Variants in KIF26A observed in about 807,000 individuals in gnomAD.
The protein encoded by KIF26A is kinesin-like protein KIF26A.
Under a neutral mutation model 126.0 loss-of-function variants are expected in KIF26A, and 74 were observed. The ratio of observed to expected loss-of-function variants is 0.59; its 90% CI spans 0.49 to 0.71. The LOEUF is 0.71. Ranked by LOEUF, KIF26A falls within the 30% of genes least tolerant of loss-of-function variation. The probability of loss-of-function intolerance (pLI) is 0.00; values close to 1 mark genes in which losing one functional copy is unlikely to be tolerated. For missense variants in KIF26A, 2,984 were observed against 2,763.3 expected, an observed-to-expected ratio of 1.08 and a Z score of -1.79; for synonymous variants, 1,445 against 1,232.7, an observed-to-expected ratio of 1.17 and a Z score of -3.61.
intron 2 of KIF26A, among the ~76,000 whole-genome samples, chr14:104,146,630 C>T (rs1223245491): frequency 1.3e-5 from 2 of 152,126 alleles, no homozygotes; most frequent in South Asian, 4.1e-4. Flanking sequence ...CTGGCTTCTC[C>T]TTCTCCACTG....
In KIF26A at chr14:104,171,770, G is replaced by T. The variant is rs978827823; in HGVS notation, c.1161G>T (p.Ser387=). The change falls in exon 6 of 15, where the codon TCG becomes TCT. Residue 387 remains serine, a synonymous_variant. Transcript: ENST00000423312. ...GGCCCGCACAGGGGGCCCAGCGCTC[G>T]GCCGAGGCCATGTCCTTCCTGAAGG... ...RIWPAQGAQR[S]AEAMSFLKVD... is the part of the protein sequence containing the mutation. 6.3e-7 allele frequency: 1 copy of T among 1,580,718 alleles called. No homozygotes were observed. Among genetic ancestry groups the T allele is most frequent in the Non-Finnish European group, 8.6e-7 (1 of 1,164,486 alleles).
chr14:104,165,503 CTGTG>C lies in KIF26A; in HGVS notation c.924-1352_924-1349del, dbSNP rs1416655033. On this transcript the variant is annotated intron_variant, in intron 4 of 14. Transcript: ENST00000423312. ...TGTATGTTTCCATGTGCATGTGTGT[CTGTG>C]TGTCTCTGTATGCATGTGTGTATCT... Among the ~76,000 whole-genome samples, 3 of 81,172 alleles carry C rather than the reference CTGTG, an allele frequency of 3.7e-5. No homozygotes were observed. The South Asian group carries it at 1.0e-3, about 28-fold the overall frequency. 53.3% of individuals were successfully genotyped at this position (81,172 alleles called of 152,430 possible).
At chr14:104,168,010 C>G (rs559956896) in intron 5 of KIF26A, among the ~76,000 whole-genome samples, 1 of 151,644 alleles carries the variant, frequency 6.6e-6, no homozygotes, top group Admixed American at 6.6e-5. Flanking sequence ...GCAGAAGGCC[C>G]CTGTCCCTGG....
chr14:104,141,820 C>T (rs2141087465), intron 2 of KIF26A, among the ~76,000 whole-genome samples: 1 of 152,348 alleles, frequency 6.6e-6, no homozygotes, highest in African/African-American at 2.4e-5. Flanking sequence ...CTTGCCCACC[C>T]TCCTGCCAGG....
Position 104,175,201 on chromosome 14 carries a change from C to T in KIF26A, c.2413C>T (p.Leu805Phe). The change falls in exon 12 of 15, where the codon CTC (leucine) becomes TTC (phenylalanine). Residue 805 changes from leucine (L) to phenylalanine (F), a missense_variant. Transcript: ENST00000423312. Reference sequence around the variant, plus strand: ...TGGGGCGGCGCTGTCAGACCGGGAGCTCACCGACAACGAAGGTCCGCCTGA... The same window carrying T: ...TGGGGCGGCGCTGTCAGACCGGGAGTTCACCGACAACGAAGGTCCGCCTGA... ...PGGAALSDRE[L>F]TDNEGPPDFV... is the part of the protein sequence containing the mutation. 6.2e-7 allele frequency: 1 copy of T among 1,609,686 alleles called. No homozygotes were observed. Among genetic ancestry groups the T allele is most frequent in the Non-Finnish European group, 8.5e-7 (1 of 1,179,088 alleles).
intron 2 of KIF26A, 51 bp downstream of exon 2, chr14:104,139,339 T>C: frequency 7.2e-7 from 1 of 1,385,584 alleles, no homozygotes; most frequent in Non-Finnish European, 9.4e-7. Context: ...CACGCCGAAC[T>C]TGGGTAGAAC....
At chr14:104,179,476 C>T (rs2038076528) in intron 14 of KIF26A, 90 bp downstream of exon 14, 4 of 1,428,930 alleles carry the variant, frequency 2.8e-6, no homozygotes, top group Non-Finnish European at 3.7e-6. Flanking sequence ...CTCTCCTGTA[C>T]CTCGTGGTGG....
At position 104,175,005 on chromosome 14, in the gene KIF26A, G is replaced by A. The variant is rs1267295138; in HGVS notation, c.2217G>A (p.Gly739=). Residue 739 remains glycine, a synonymous_variant, in exon 12 of 15, where the codon GGG becomes GGA. Coordinates refer to ENST00000423312, the MANE Select transcript of KIF26A (RefSeq NM_015656.2). ...KAKYASSSSG[G]ESSCEEGRAR... is the part of the protein sequence containing the mutation. ...AGTACGCCTCCAGCTCCTCTGGCGG[G>A]GAGAGCTCCTGTGAGGAAGGCCGGG... 3.2e-6 allele frequency: 5 copies of A among 1,551,588 alleles called. No homozygotes were observed. The highest frequency in any genetic ancestry group is 3.5e-6 in the Non-Finnish European group (4 of 1,152,282).
In KIF26A at chr14:104,179,914, T is replaced by G; in HGVS notation, c.*124T>G. 1.0e-6 allele frequency: 1 copy of G among 1,000,214 alleles called. No homozygotes were observed. The highest frequency in any genetic ancestry group is 1.4e-6 in the Non-Finnish European group (1 of 717,354). The allele number at this position is 1,000,214 out of a possible 1,614,324, so 62.0% of individuals were successfully genotyped here. Reference sequence around the variant, plus strand: ...GAGGGGTTTCTGTGCAGGACGGGAGTCTCAGAGAGGAGACGGAGTGTGGGG... The same window carrying G: ...GAGGGGTTTCTGTGCAGGACGGGAGGCTCAGAGAGGAGACGGAGTGTGGGG... On this transcript the variant is annotated 3_prime_UTR_variant, in exon 15 of 15. Coordinates refer to ENST00000423312, the MANE Select transcript of KIF26A (RefSeq NM_015656.2).
intron 6 of KIF26A, among the ~76,000 whole-genome samples, 168 bp downstream of exon 6, chr14:104,172,103 C>G (rs1402971538): frequency 6.6e-6 from 1 of 152,232 alleles, no homozygotes; most frequent in Non-Finnish European, 1.5e-5. Flanking sequence ...TCGTCCTGGC[C>G]AGCGTCCTTG....
In KIF26A at chr14:104,178,551, T is replaced by A; in HGVS notation, c.5112T>A (p.Gly1704=). Residue 1704 remains glycine (G), a splice_region_variant and synonymous_variant, in exon 13 of 15, where the codon GGT becomes GGA. Transcript: ENST00000423312. Reference sequence around the variant, plus strand: ...CCTGTGCCCGGCTCTCCGTTCCAGGTCTGCAGCGGCGGCGCCTGATTCCCG... The same window carrying A: ...CCTGTGCCCGGCTCTCCGTTCCAGGACTGCAGCGGCGGCGCCTGATTCCCG... ...SLKSPKKRAT[G]LQRRRLIPAP... 6.8e-7 allele frequency: 1 copy of A among 1,461,780 alleles called. No homozygotes were observed. The highest frequency in any genetic ancestry group is 9.1e-7 in the Non-Finnish European group (1 of 1,104,600). The allele number at this position is 1,461,780 out of a possible 1,614,324, so 90.6% of individuals were successfully genotyped here.
At chr14:104,177,945 G>T in intron 12 of KIF26A, 47 bp downstream of exon 12, 1 of 1,444,274 alleles carries the variant, frequency 6.9e-7, no homozygotes, top group Non-Finnish European at 9.1e-7. Context: ...GGCTTTCTGT[G>T]TGTAGATGTG....
intron 4 of KIF26A, among the ~76,000 whole-genome samples, chr14:104,165,199 GTGTC>G (rs2037875423): frequency 7.5e-6 from 1 of 133,158 alleles, no homozygotes; most frequent in Admixed American, 7.1e-5. Context: ...ATGCATGTGT[GTGTC>G]TGTGTCTCTG....
At chr14:104,178,119 C>T (rs1248877187) in intron 12 of KIF26A, among the ~76,000 whole-genome samples, 1 of 152,256 alleles carries the variant, frequency 6.6e-6, no homozygotes, top group African/African-American at 2.4e-5. Context: ...TGTACTTGCC[C>T]TTCTCTGGCC....
Position 104,175,163 on chromosome 14 carries a change from A to T in KIF26A, c.2375A>T (p.Tyr792Phe). 2 of 1,607,618 alleles carry T rather than the reference A, an allele frequency of 1.2e-6. No homozygotes were observed. The highest frequency in any genetic ancestry group is 1.7e-6 in the Non-Finnish European group (2 of 1,177,948). ...GAGCAGTCCTGTGACACGGTCATCT[A>T]CGTGGGGCCCGGTGGGGCGGCGCTG... is the stretch of plus-strand genomic sequence containing the variant. ...SSEQSCDTVIYVGPGGAALSD... is the reference protein window; with the variant it reads ...SSEQSCDTVIFVGPGGAALSD... Residue 792 changes from tyrosine (Y) to phenylalanine (F), a missense_variant, in exon 12 of 15, where the codon TAC becomes TTC. Coordinates refer to ENST00000423312, the MANE Select transcript of KIF26A (RefSeq NM_015656.2).
intron 5 of KIF26A, among the ~76,000 whole-genome samples, chr14:104,167,457 C>T (rs967716449): frequency 1.3e-5 from 2 of 152,062 alleles, no homozygotes; most frequent in Admixed American, 1.3e-4. Flanking sequence ...TGCAGGCGGG[C>T]CCCTGCCATG....
intron 2 of KIF26A, among the ~76,000 whole-genome samples, chr14:104,141,913 G>C (rs2037641209): frequency 6.6e-6 from 1 of 152,212 alleles, no homozygotes; most frequent in Non-Finnish European, 1.5e-5. Flanking sequence ...TGTGCCCATT[G>C]CATAGGTACG....
At position 104,177,071 on chromosome 14, in the gene KIF26A, C is replaced by G; in HGVS notation, c.4283C>G (p.Ala1428Gly). Reference protein sequence around the residue: ...SLKARASKVEAAHRLAGHASL... With the variant: ...SLKARASKVEGAHRLAGHASL... ...AAGGCCCGGGCCAGCAAGGTAGAAG[C>G]AGCACACCGTCTTGCCGGACACGCG... The change falls in exon 12 of 15, where the codon GCA (alanine) becomes GGA (glycine). Residue 1428 changes from alanine (A) to glycine (G), a missense_variant. Ala to Gly is a moderately conservative substitution (Grantham distance 60). Coordinates refer to ENST00000423312, the MANE Select transcript of KIF26A (RefSeq NM_015656.2). 6.3e-7 allele frequency: 1 copy of G among 1,593,064 alleles called. No homozygotes were observed. Among genetic ancestry groups the G allele is most frequent in the Non-Finnish European group, 8.5e-7 (1 of 1,177,584 alleles).
At chr14:104,158,464 G>A (rs1426757862) in intron 4 of KIF26A, among the ~76,000 whole-genome samples, 1 of 152,234 alleles carries the variant, frequency 6.6e-6, no homozygotes, top group Non-Finnish European at 1.5e-5. Context: ...CACAAGGGGA[G>A]GGGCAGCAGG....
Sources: allele counts gnomAD v4.1 joint callset (sites outside exome capture counted in the v4.1 genomes callset), GRCh38; gene constraint gnomAD v4.1.1; transcripts MANE v1.5; gene names NCBI Gene and HGNC (gene_info 2026-07-23, HGNC 2026-07-21).